FOXN3: variants seen among roughly 807,000 people sequenced by gnomAD.
The protein encoded by FOXN3 is forkhead box protein N3.
FOXN3 carries 7 observed loss-of-function variants against 38.4 expected under a neutral mutation model. The ratio of observed to expected loss-of-function variants is 0.18; its 90% CI spans 0.10 to 0.34. The LOEUF is 0.34. Ranked by LOEUF, FOXN3 falls within the 10% of genes least tolerant of loss-of-function variation. The probability of loss-of-function intolerance (pLI) is 1.00; values close to 1 mark genes in which losing one functional copy is unlikely to be tolerated. For missense variants in FOXN3, 456 were observed against 613.4 expected (o/e 0.74, Z 2.71); for synonymous variants, 230 against 242.2 (o/e 0.95, Z 0.47).
In FOXN3 at chr14:89,393,103, C is replaced by T. The variant is rs374399821; in HGVS notation, c.543+18831G>A. Among the ~76,000 whole-genome samples, 4 of 152,032 alleles carry T rather than the reference C, an allele frequency of 2.6e-5. No homozygotes were observed. In the East Asian group the frequency reaches 5.8e-4, roughly 22 times the overall value. Reference sequence around the variant, plus strand: ...TACAGGCATGAGCCACCGTGCCCGGCTTAATTTTTGTATTTTTAGTAGAGA... The same window carrying T: ...TACAGGCATGAGCCACCGTGCCCGGTTTAATTTTTGTATTTTTAGTAGAGA... On this transcript the variant is annotated intron_variant, in intron 2 of 5. Coordinates refer to ENST00000557258, the MANE Select transcript of FOXN3 (RefSeq NM_005197.4).
At position 89,220,522 on chromosome 14, in the gene FOXN3, C is replaced by T. The variant is rs527491400; in HGVS notation, c.746-39716G>A. ...TGGTGATACGACTGATTTTTCCTGG[C>T]TGCAAATACACACACGGCTCTTTCC... On this transcript the variant is annotated intron_variant, in intron 4 of 5. Coordinates refer to ENST00000557258, the MANE Select transcript of FOXN3 (RefSeq NM_005197.4). Among the ~76,000 whole-genome samples the T allele has an allele frequency of 7.2e-5, 11 of 152,318 alleles. No individual in the cohort carries two copies. The East Asian group carries it at 1.9e-3, about 27-fold the overall frequency.
rs150781720 is a variant in FOXN3 at position 89,254,431 on chromosome 14, A to T, written c.745+26519T>A. Among the ~76,000 whole-genome samples the T allele has an allele frequency of 3.9e-5, 6 of 152,274 alleles. No homozygotes were observed. In the East Asian group the frequency reaches 1.2e-3, roughly 29 times the overall value. On this transcript the variant is annotated intron_variant, in intron 4 of 5. Coordinates refer to ENST00000557258, the MANE Select transcript of FOXN3 (RefSeq NM_005197.4). ...TGGGGAGAAGGGGTGGTGCAGGGAA[A>T]GGAGCGAGTGGTCAGAACTGCACGG...
At chr14:89,284,305 C>T (rs1382131631) in intron 3 of FOXN3, 4 of 360,464 alleles carry the variant, frequency 1.1e-5, no homozygotes, top group South Asian at 2.1e-5. Context: ...GTACCATGCC[C>T]GGCCACCTTC....
At chr14:89,326,919 T>C (rs1477207829) in intron 3 of FOXN3, among the ~76,000 whole-genome samples, 1 of 152,194 alleles carries the variant, frequency 6.6e-6, no homozygotes, top group Non-Finnish European at 1.5e-5. Context: ...TTCCCGTGCC[T>C]GACATTGTGA....
chr14:89,591,883 C>T (rs954025245), intron 1 of FOXN3, among the ~76,000 whole-genome samples: 1 of 152,080 alleles, frequency 6.6e-6, no homozygotes, highest in African/African-American at 2.4e-5. Context: ...TATGATCATA[C>T]CACTGTACTC....
At position 89,567,664 on chromosome 14, in the gene FOXN3, G is replaced by A. The variant is rs894418527; in HGVS notation, c.-15+51364C>T. Among the ~76,000 whole-genome samples, 17 of 150,872 alleles carry A rather than the reference G, an allele frequency of 1.1e-4. 1 individual carries two copies. The highest frequency in any genetic ancestry group is 1.1e-3 in the Admixed American group (17 of 15,234). On this transcript the variant is annotated intron_variant, in intron 1 of 6. Coordinates refer to the FOXN3 transcript ENST00000345097. ...ATTAATGAGTGGCAAGGACAAGGAA[G>A]GTTACAGTTACCTATTAGCTTCAAA...
intron 1 of FOXN3, among the ~76,000 whole-genome samples, chr14:89,551,196 A>G (rs951136523): frequency 6.6e-6 from 1 of 152,228 alleles, no homozygotes; most frequent in Non-Finnish European, 1.5e-5. Context: ...TGACTTAGTA[A>G]GCAGCAAGTG....
At chr14:89,562,059 G>T (rs1895259702) in intron 1 of FOXN3, among the ~76,000 whole-genome samples, 1 of 152,130 alleles carries the variant, frequency 6.6e-6, no homozygotes, top group Admixed American at 6.5e-5. Flanking sequence ...TGGACTTGGT[G>T]TAAAAAATGT....
chr14:89,464,034 T>C (rs1186766005), intron 1 of FOXN3, among the ~76,000 whole-genome samples: 1 of 150,890 alleles, frequency 6.6e-6, no homozygotes, highest in African/African-American at 2.5e-5. Context: ...TCCACATGCC[T>C]CGACCCCCCA....
At chr14:89,512,888 C>T (rs1323964576) in intron 1 of FOXN3, among the ~76,000 whole-genome samples, 4 of 152,126 alleles carry the variant, frequency 2.6e-5, no homozygotes, top group Non-Finnish European at 5.9e-5. Context: ...TGCCTGTAAT[C>T]CCAGCACTAT....
At chr14:89,172,437 C>T (rs1887413717) in intron 5 of FOXN3, among the ~76,000 whole-genome samples, 1 of 152,134 alleles carries the variant, frequency 6.6e-6, no homozygotes. Flanking sequence ...GATTCCATAC[C>T]ACTCTAGTCA....
chr14:89,602,191 A>G (rs1023722617), intron 1 of FOXN3, among the ~76,000 whole-genome samples: 3 of 152,034 alleles, frequency 2.0e-5, no homozygotes, highest in Non-Finnish European at 2.9e-5. Context: ...TGGGAGGCTG[A>G]AGTGAGAGAA....
chr14:89,606,854 A>T (rs554520494), intron 1 of FOXN3, among the ~76,000 whole-genome samples: 58 of 152,302 alleles, frequency 3.8e-4, no homozygotes, highest in African/African-American at 1.2e-3. Flanking sequence ...GTCTCAAAAA[A>T]AAAATAAAAT....
chr14:89,367,156 C>T (rs1596231555), intron 2 of FOXN3, among the ~76,000 whole-genome samples: 1 of 152,128 alleles, frequency 6.6e-6, no homozygotes, highest in Non-Finnish European at 1.5e-5. Context: ...CACCAGTCAC[C>T]CATCTTCCCT....
chr14:89,206,908 T>A (rs997897), intron 4 of FOXN3, among the ~76,000 whole-genome samples: 59,358 of 151,926 alleles, frequency 0.39, 11,745 homozygotes, highest in African/African-American at 0.42. Flanking sequence ...AAGGACAGTG[T>A]GGCCATAAAA....
intron 4 of FOXN3, among the ~76,000 whole-genome samples, chr14:89,278,984 C>A (rs949568102): frequency 6.6e-6 from 1 of 152,016 alleles, no homozygotes; most frequent in Non-Finnish European, 1.5e-5. Flanking sequence ...GGCCCAGAAC[C>A]ACCCACCAAA....
At chr14:89,408,206 C>A (rs980334861) in intron 2 of FOXN3, among the ~76,000 whole-genome samples, 5 of 152,082 alleles carry the variant, frequency 3.3e-5, no homozygotes, top group Non-Finnish European at 5.9e-5. Context: ...AGCAGAACTA[C>A]CAGTTTTCCC....
chr14:89,481,103 T>TA (rs57740068), intron 1 of FOXN3, among the ~76,000 whole-genome samples: 4 of 151,536 alleles, frequency 2.6e-5, no homozygotes, highest in Middle Eastern at 3.4e-3. Flanking sequence ...TTTTTTTTTT[T>TA]AATAAACAAA....
At chr14:89,251,856 C>T (rs187929203) in intron 4 of FOXN3, among the ~76,000 whole-genome samples, 240 of 152,226 alleles carry the variant, frequency 1.6e-3, no homozygotes, top group Non-Finnish European at 3.0e-3. Flanking sequence ...ACATGTGGTC[C>T]CTGACCTCAA....
Sources: gnomAD v4.1 joint callset for allele counts (sites outside exome capture counted in the v4.1 genomes callset) on GRCh38, gnomAD v4.1.1 for gene constraint, MANE v1.5 for transcripts, NCBI Gene and HGNC (gene_info 2026-07-23, HGNC 2026-07-21) for gene names.